Variants in SLC35F1 observed in about 807,000 individuals in gnomAD.
SLC35F1 encodes chromosome 6 open reading frame 169.
SLC35F1 carries 14 observed loss-of-function variants against 48.7 expected under a neutral mutation model. That is an observed-to-expected ratio of 0.29 (90% CI 0.19 to 0.45). The LOEUF (loss-of-function observed/expected upper bound fraction) is 0.45, where lower values mean the gene tolerates loss of function less well. Among genes scored for constraint, SLC35F1 ranks in the 20% least tolerant of loss-of-function variants. The pLI is 1.00. For missense variants in SLC35F1, 404 were observed against 500.0 expected (o/e 0.81, Z 1.83); for synonymous variants, 190 against 202.2 (o/e 0.94, Z 0.51).
rs117995409 is a variant in SLC35F1, at chr6:117,909,211, A to G, written c.173+1312A>G. Among the ~76,000 whole-genome samples the G allele has an allele frequency of 7.4e-3, 1,124 of 152,302 alleles. 3 individuals are homozygous for G. Among genetic ancestry groups the G allele is most frequent in the Non-Finnish European group, 0.011 (736 of 68,022 alleles). On this transcript the variant is annotated intron_variant, in intron 1 of 7. Transcript: ENST00000360388. ...TTTGTAGCTGAGAATACCACCTTCC[A>G]AAAGATAAAGTAGAATAAAGCAAGA...
Position 118,312,517 on chromosome 6 carries a change from T to G in SLC35F1, c.1003-1511T>G, listed in dbSNP as rs886989381. Among the ~76,000 whole-genome samples the G allele has an allele frequency of 4.6e-5, 7 of 152,204 alleles. No homozygotes were observed. The East Asian group carries it at 1.3e-3, about 29-fold the overall frequency. On this transcript the variant is annotated intron_variant, in intron 7 of 7. Transcript: ENST00000360388. ...TTAATTAAGTGAAGCTGTTACAAGCTGAGTCTAGTACATAAATCCATCTGA... is the reference window on the plus strand; with the variant it reads ...TTAATTAAGTGAAGCTGTTACAAGCGGAGTCTAGTACATAAATCCATCTGA...
chr6:118,022,042 A>G lies in SLC35F1; in HGVS notation c.173+114143A>G, dbSNP rs570388602. ...CAAATCAAAAGGCTACCCACATTCC[A>G]GGGGGAAAAGAAACAGAGTCTACTT... is the stretch of plus-strand genomic sequence containing the variant. On this transcript the variant is annotated intron_variant, in intron 1 of 7. Transcript: ENST00000360388. Among the ~76,000 whole-genome samples the G allele has an allele frequency of 4.6e-5, 7 of 152,278 alleles. No individual in the cohort carries two copies. In the South Asian group the frequency reaches 1.5e-3, roughly 32 times the overall value.
chr6:118,017,910 G>T (rs951587308), intron 1 of SLC35F1, among the ~76,000 whole-genome samples: 16 of 152,222 alleles, frequency 1.1e-4, no homozygotes, highest in African/African-American at 3.9e-4. Context: ...GTCCAAACTG[G>T]CATAGTAACA....
Position 118,244,483 on chromosome 6 carries a change from GACTTATGCAGAA to G in SLC35F1, c.477+8849_477+8860del, listed in dbSNP as rs1775482501. ...TTAAATTACATGCAGATTAAGGGGT[GACTTATGCAGAA>G]ATTTCTAGGGAAGGGCTAGTAACTT... On this transcript the variant is annotated intron_variant, in intron 3 of 7. Transcript: ENST00000360388. Among the ~76,000 whole-genome samples the G allele has an allele frequency of 3.9e-5, 6 of 152,362 alleles. No homozygotes were observed. In the Middle Eastern group the frequency reaches 0.01, roughly 259 times the overall value.
chr6:117,943,122 T>C (rs1401832937), intron 1 of SLC35F1, among the ~76,000 whole-genome samples: 1 of 152,204 alleles, frequency 6.6e-6, no homozygotes, highest in African/African-American at 2.4e-5. Flanking sequence ...CCGATCCTGT[T>C]AATGGATTTC....
intron 1 of SLC35F1, among the ~76,000 whole-genome samples, chr6:118,022,820 G>A (rs1273232120): frequency 6.7e-6 from 1 of 149,222 alleles, no homozygotes; most frequent in Non-Finnish European, 1.5e-5. Context: ...GTGCGATCTC[G>A]GCTCACTGCA....
At chr6:118,290,498 T>G (rs1262238225) in intron 7 of SLC35F1, among the ~76,000 whole-genome samples, 2 of 151,046 alleles carry the variant, frequency 1.3e-5, no homozygotes, top group Non-Finnish European at 2.9e-5. Flanking sequence ...TTATGAACAA[T>G]CATATTTAGT....
At chr6:118,016,431 G>C (rs967987200) in intron 1 of SLC35F1, among the ~76,000 whole-genome samples, 1 of 152,094 alleles carries the variant, frequency 6.6e-6, no homozygotes, top group Non-Finnish European at 1.5e-5. Context: ...CTTAAAGAAA[G>C]GCCAAGAAAT....
intron 7 of SLC35F1, among the ~76,000 whole-genome samples, chr6:118,285,816 G>GT (rs1462482355): frequency 3.9e-5 from 6 of 152,220 alleles, no homozygotes; most frequent in Non-Finnish European, 7.4e-5. Flanking sequence ...ACTAGAAATA[G>GT]TTTTTTTACT....
At chr6:118,282,788 C>T (rs1775999607) in intron 6 of SLC35F1, among the ~76,000 whole-genome samples, 1 of 152,114 alleles carries the variant, frequency 6.6e-6, no homozygotes, top group South Asian at 2.1e-4. Context: ...ATCAGTCTAT[C>T]ACCAGGGCTT....
At chr6:118,290,749 C>G (rs543499176) in intron 7 of SLC35F1, among the ~76,000 whole-genome samples, 1 of 151,924 alleles carries the variant, frequency 6.6e-6, no homozygotes, top group Non-Finnish European at 1.5e-5. Context: ...CACTAAGAGG[C>G]CCCCAGGTTT....
chr6:118,298,545 G>T (rs1299180842), intron 7 of SLC35F1, among the ~76,000 whole-genome samples: 3 of 152,050 alleles, frequency 2.0e-5, no homozygotes, highest in African/African-American at 4.8e-5. Flanking sequence ...AGTACATAAT[G>T]GTTTCTATTC....
chr6:118,258,893 A>T (rs1463683091), intron 3 of SLC35F1, among the ~76,000 whole-genome samples: 2 of 151,996 alleles, frequency 1.3e-5, no homozygotes, highest in Admixed American at 6.6e-5. Flanking sequence ...TTAAAATTTT[A>T]AATGTTAAAA....
At chr6:118,309,627 T>A (rs186998046) in intron 7 of SLC35F1, among the ~76,000 whole-genome samples, 84 of 152,382 alleles carry the variant, frequency 5.5e-4, no homozygotes, top group Admixed American at 3.5e-3. Context: ...TATTTATAAA[T>A]GTACTTTGAA....
At chr6:118,274,815 T>C (rs775229951) in intron 4 of SLC35F1, among the ~76,000 whole-genome samples, 1 of 152,246 alleles carries the variant, frequency 6.6e-6, no homozygotes, top group Non-Finnish European at 1.5e-5. Flanking sequence ...TTTCAACCCA[T>C]AAATCCTTTC....
intron 2 of SLC35F1, among the ~76,000 whole-genome samples, chr6:118,162,049 C>A (rs1181511226): frequency 6.6e-6 from 1 of 152,140 alleles, no homozygotes; most frequent in African/African-American, 2.4e-5. Flanking sequence ...AATGTCCCTG[C>A]AAAGATCTAC....
intron 1 of SLC35F1, among the ~76,000 whole-genome samples, chr6:118,113,071 A>G (rs1214980389): frequency 6.6e-6 from 1 of 152,108 alleles, no homozygotes; most frequent in East Asian, 1.9e-4. Context: ...TTTGGATGAC[A>G]TTTAAAAAAA....
At chr6:118,271,014 G>T (rs528793178) in intron 4 of SLC35F1, among the ~76,000 whole-genome samples, 6 of 152,018 alleles carry the variant, frequency 3.9e-5, no homozygotes, top group Non-Finnish European at 7.4e-5. Context: ...AAAGATGTTA[G>T]ATGCCAACAA....
intron 1 of SLC35F1, among the ~76,000 whole-genome samples, chr6:118,030,433 G>T (rs1194507300): frequency 1.3e-5 from 2 of 152,188 alleles, no homozygotes; most frequent in African/African-American, 2.4e-5. Flanking sequence ...AGGAACTGTG[G>T]TCAGAGTAGT....
Sources: allele counts gnomAD v4.1 joint callset (sites outside exome capture counted in the v4.1 genomes callset), GRCh38; gene constraint gnomAD v4.1.1; transcripts MANE v1.5; gene names NCBI Gene and HGNC (gene_info 2026-07-23, HGNC 2026-07-21).